The following DUSP18 variants were observed in gnomAD, a reference collection of about 807,000 sequenced individuals.
The protein encoded by DUSP18 is dual specificity phosphatase 18, also known as dual specificity protein phosphatase 18.
Under a neutral mutation model 6.3 loss-of-function variants are expected in DUSP18, and 4 were observed. The observed-to-expected ratio is 0.63, with a 90% CI of 0.31 to 1.45. The LOEUF is 1.45. Ranked by LOEUF, DUSP18 falls within the 40% of genes most tolerant of loss-of-function variation. The pLI is 0.07. For missense variants in DUSP18, 235 were observed against 247.7 expected, an observed-to-expected ratio of 0.95 and a Z score of 0.34; for synonymous variants, 96 against 95.1, an observed-to-expected ratio of 1.01 and a Z score of -0.05.
At position 30,663,990 on chromosome 22, in the gene DUSP18, G is replaced by A. The variant is rs779902558; in HGVS notation, c.14C>T (p.Ser5Leu). Reference sequence around the variant, plus strand: ...CCGGAACTGAACTGGGAAGGCACACGAGGGTGCTGTCATCAAGGCGGTGGG... The same window carrying A: ...CCGGAACTGAACTGGGAAGGCACACAAGGGTGCTGTCATCAAGGCGGTGGG... MTAPSCAFPVQFRQP... is the reference protein window; with the variant it reads MTAPLCAFPVQFRQP... Residue 5 changes from serine to leucine, a missense_variant, in exon 2 of 2, where the codon TCG (serine) becomes TTG (leucine). By Grantham distance (145) the Ser-to-Leu change is moderately radical. Coordinates refer to ENST00000334679, the MANE Select transcript of DUSP18 (RefSeq NM_152511.5). 19 of 1,612,788 alleles carry A rather than the reference G, an allele frequency of 1.2e-5. No individual in the cohort carries two copies. In the East Asian group the frequency reaches 2.9e-4, roughly 25 times the overall value.
intron 2 of DUSP18, among the ~76,000 whole-genome samples, chr22:30,653,246 C>A (rs1726830184): frequency 6.6e-6 from 1 of 152,170 alleles, no homozygotes. Context: ...AGCCTACCCC[C>A]ACTGCCCTGA....
At chr22:30,657,948 TAA>T (rs1389310017), downstream of DUSP18, among the ~76,000 whole-genome samples, 2 of 143,294 alleles carry the variant, frequency 1.4e-5, no homozygotes, top group Non-Finnish European at 3.0e-5. Flanking sequence ...ATAATAATAA[TAA>T]TAATGATTAG....
At position 30,664,097 on chromosome 22, in the gene DUSP18, G is replaced by A. The variant is rs2088570215; in HGVS notation, c.-77-17C>T. The A allele has an allele frequency of 8.5e-7, 1 of 1,169,822 alleles. No individual in the cohort carries two copies. The highest frequency in any genetic ancestry group is 1.2e-6 in the Non-Finnish European group (1 of 827,906). 72.5% of individuals were successfully genotyped at this position (1,169,822 alleles called of 1,614,324 possible). The stretch of plus-strand genomic sequence containing the variant: ...CATGGAAAACTGCAGAGAGGGAGAG[G>A]ATGTTTAGAGGGCAGGTGCCCAGAG... On this transcript the variant is annotated splice_polypyrimidine_tract_variant and intron_variant, in intron 1 of 1. Transcript: ENST00000334679.
chr22:30,658,473 CA>C (rs1189475382), downstream of DUSP18, among the ~76,000 whole-genome samples: 3 of 151,814 alleles, frequency 2.0e-5, no homozygotes, highest in Non-Finnish European at 4.4e-5. Flanking sequence ...TTCATCTGTC[CA>C]AAGCATCTGC....
chr22:30,654,220 C>T (rs1027930858), intron 2 of DUSP18: 3 of 350,774 alleles, frequency 8.6e-6, no homozygotes, highest in Non-Finnish European at 5.6e-6. Context: ...TCCTGACCTC[C>T]TGATCTGCCC....
downstream of DUSP18, among the ~76,000 whole-genome samples, chr22:30,658,729 G>C (rs2088396102): frequency 6.6e-6 from 1 of 152,142 alleles, no homozygotes; most frequent in Admixed American, 6.6e-5. Context: ...GCATGGACCT[G>C]ACCCTAAGCA....
At chr22:30,660,367 G>A (rs117549865), downstream of DUSP18, among the ~76,000 whole-genome samples, 6,809 of 152,056 alleles carry the variant, frequency 0.045, 336 homozygotes, top group East Asian at 0.24. Context: ...GCAGAGGCAC[G>A]ATCTTGGCTC....
intron 2 of DUSP18, chr22:30,654,883 C>T (rs958297680): frequency 1.1e-5 from 2 of 175,100 alleles, no homozygotes; most frequent in Admixed American, 6.1e-5. Flanking sequence ...GGGGCCCCTT[C>T]ACCCCTGAGG....
At chr22:30,667,130 G>A (rs1487139349) in intron 1 of DUSP18, 4 of 152,152 alleles carry the variant, frequency 2.6e-5, no homozygotes, top group African/African-American at 9.7e-5. Context: ...CCCTCATCTG[G>A]TTCGATCTTC....
intron 2 of DUSP18, among the ~76,000 whole-genome samples, chr22:30,655,998 G>C (rs1475288855): frequency 6.6e-6 from 1 of 151,596 alleles, no homozygotes; most frequent in Non-Finnish European, 1.5e-5. Flanking sequence ...TGGGCAAAAG[G>C]GTCTCACTCT....
chr22:30,653,972 G>GT lies in DUSP18; in HGVS notation c.*34-1676dup, dbSNP rs200321738. The GT allele has an allele frequency of 4.9e-3, 775 of 156,958 alleles. 2 individuals are homozygous for GT. Among genetic ancestry groups the GT allele is most frequent in the African/African-American group, 0.017 (660 of 38,076 alleles). The allele number at this position is 156,958 out of a possible 1,614,324, so 9.7% of individuals were successfully genotyped here. Reference sequence around the variant, plus strand: ...GCCTGTTTCTGTAGCCTCATTAGCTGTTTTGTTTTTTTGTTTTTTTTTTTT... The same window carrying GT: ...GCCTGTTTCTGTAGCCTCATTAGCTGTTTTTGTTTTTTTGTTTTTTTTTTTT... On this transcript the variant is annotated intron_variant, in intron 2 of 2. Coordinates refer to the DUSP18 transcript ENST00000404885.
At chr22:30,667,188 C>G (rs1432110214) in intron 1 of DUSP18, 1 of 152,092 alleles carries the variant, frequency 6.6e-6, no homozygotes, top group African/African-American at 2.4e-5. Flanking sequence ...TTCCATTTTA[C>G]AAAAGAGGAA....
downstream of DUSP18, among the ~76,000 whole-genome samples, chr22:30,657,575 A>G (rs2145597658): frequency 6.6e-6 from 1 of 152,098 alleles, no homozygotes; most frequent in East Asian, 1.9e-4. Context: ...CCTGGGAAAT[A>G]TGGTGAGACG....
chr22:30,657,687 G>A (rs867944508), downstream of DUSP18, among the ~76,000 whole-genome samples: 2 of 151,406 alleles, frequency 1.3e-5, no homozygotes, highest in African/African-American at 4.9e-5. Flanking sequence ...GGTGGATCAC[G>A]AGGTCAGGAG....
chr22:30,663,469 C>T lies in DUSP18; in HGVS notation c.535G>A (p.Glu179Lys). 1 of 1,612,590 alleles carries T rather than the reference C, an allele frequency of 6.2e-7. No individual in the cohort carries two copies. The highest frequency in any genetic ancestry group is 8.5e-7 in the Non-Finnish European group (1 of 1,178,648). ...GGAATCATCAAACGGACTTCCTTCT[C>T]ATAGATGTCAGGGATCATTCCCACT... is the stretch of plus-strand genomic sequence containing the variant. Reference protein sequence around the residue: ...SPVGMIPDIYEKEVRLMIPL With the variant: ...SPVGMIPDIYKKEVRLMIPL The change falls in exon 2 of 2, where the codon GAG becomes AAG. Residue 179 changes from glutamate (E) to lysine (K), a missense_variant. Coordinates refer to ENST00000334679, the MANE Select transcript of DUSP18 (RefSeq NM_152511.5).
intron 2 of DUSP18, among the ~76,000 whole-genome samples, chr22:30,655,648 A>G (rs1194537342): frequency 6.6e-6 from 1 of 152,122 alleles, no homozygotes; most frequent in Non-Finnish European, 1.5e-5. Context: ...ATCTGGTTTC[A>G]GCATAAACAT....
At chr22:30,653,532 C>T (rs939992735) in intron 2 of DUSP18, among the ~76,000 whole-genome samples, 6 of 151,934 alleles carry the variant, frequency 3.9e-5, no homozygotes, top group African/African-American at 1.2e-4. Context: ...CTACCATGCC[C>T]GGCTAATTTT....
chr22:30,658,915 C>T (rs1026123143), downstream of DUSP18, among the ~76,000 whole-genome samples: 4 of 151,924 alleles, frequency 2.6e-5, no homozygotes, highest in Admixed American at 6.6e-5. Context: ...GAGGCTGAGG[C>T]GGGTGGATCA....
Position 30,663,950 on chromosome 22 carries a change from GCTGA to G in DUSP18, c.50_53del (p.Val17AlafsTer6). 2 of 1,614,068 alleles carry G rather than the reference GCTGA, an allele frequency of 1.2e-6. No homozygotes were observed. Among genetic ancestry groups the G allele is most frequent in the East Asian group, 4.5e-5 (2 of 44,902 alleles). Reference sequence around the variant, plus strand: ...GGCTTTTGGTTATCTGCGAGAGGCCGCTGACTGAGGGCTGCCGGAACTGAACTGG... The same window carrying G: ...GGCTTTTGGTTATCTGCGAGAGGCCGCTGAGGGCTGCCGGAACTGAACTGG... On this transcript the variant is annotated frameshift_variant, in exon 2 of 2. Coordinates refer to ENST00000334679, the MANE Select transcript of DUSP18 (RefSeq NM_152511.5). LOFTEE classifies it high-confidence loss of function.
Sources: gnomAD v4.1 joint callset for allele counts (sites outside exome capture counted in the v4.1 genomes callset) on GRCh38, gnomAD v4.1.1 for gene constraint, MANE v1.5 for transcripts, NCBI Gene and HGNC (gene_info 2026-07-23, HGNC 2026-07-21) for gene names.